KIF16B: variants seen among roughly 807,000 people sequenced by gnomAD.
KIF16B encodes the protein kinesin family member 16B.
In KIF16B, 98 loss-of-function variants were observed where a neutral mutation model predicts 156.3. That is an observed-to-expected ratio of 0.63 (90% CI 0.53 to 0.74). The LOEUF is 0.74. KIF16B is among the 30% of genes least tolerant of loss of function. KIF16B has a pLI of 0.00. For missense variants in KIF16B, 1,421 were observed against 1,606.5 expected (o/e 0.88, Z 1.97); for synonymous variants, 564 against 583.7 (o/e 0.97, Z 0.49).
chr20:16,539,729 T>C (rs1248600260), intron 1 of KIF16B, among the ~76,000 whole-genome samples: 40 of 152,326 alleles, frequency 2.6e-4, no homozygotes, highest in Non-Finnish European at 8.8e-5. Flanking sequence ...CAGTCTCAGG[T>C]ATTTCTTTAT....
Position 16,315,626 on chromosome 20 carries a change from A to G in KIF16B, c.3712-3208T>C, listed in dbSNP as rs116862700. 2.2e-4 allele frequency among the ~76,000 whole-genome samples: 34 copies of G among 152,288 alleles called. 1 individual carries two copies. The East Asian group carries it at 5.4e-3, about 24-fold the overall frequency. ...AGTTGTCAACGGGACCCTGCTGAGG[A>G]CCTGCACCCTTGCCCAGGGTCAGCA... On this transcript the variant is annotated intron_variant, in intron 24 of 25. Transcript: ENST00000354981.
chr20:16,507,523 G>C (rs763808634), intron 7 of KIF16B, among the ~76,000 whole-genome samples: 1 of 152,128 alleles, frequency 6.6e-6, no homozygotes, highest in African/African-American at 2.4e-5. Flanking sequence ...AATATTCGCT[G>C]CCCTTTAATA....
chr20:16,371,640 G>T (rs751994693), intron 21 of KIF16B, 25 bp downstream of exon 21: 5 of 1,335,540 alleles, frequency 3.7e-6, no homozygotes, highest in East Asian at 2.3e-5. Context: ...TTGTTACTTC[G>T]TGTTACTTGG....
At chr20:16,296,794 T>C (rs2063393729) in intron 25 of KIF16B, among the ~76,000 whole-genome samples, 2 of 152,246 alleles carry the variant, frequency 1.3e-5, no homozygotes, top group African/African-American at 4.8e-5. Context: ...GGCCATGGTG[T>C]CACTAGATAT....
chr20:16,366,134 C>T (rs935565174), intron 22 of KIF16B, among the ~76,000 whole-genome samples: 7 of 152,110 alleles, frequency 4.6e-5, no homozygotes, highest in Admixed American at 2.6e-4. Flanking sequence ...GCACAGTTTG[C>T]AGCCTCTTAC....
intron 24 of KIF16B, among the ~76,000 whole-genome samples, chr20:16,319,552 C>A (rs954917589): frequency 9.9e-5 from 15 of 152,182 alleles, no homozygotes; most frequent in Non-Finnish European, 2.2e-4. Flanking sequence ...CAGAGACAGA[C>A]AGGTGGACAC....
chr20:16,519,581 TA>T (rs533924817), intron 3 of KIF16B, among the ~76,000 whole-genome samples: 6 of 151,822 alleles, frequency 4.0e-5, no homozygotes, highest in Non-Finnish European at 7.4e-5. Flanking sequence ...GGGATCTTGC[TA>T]AAAAAAAATT....
chr20:16,490,386 CA>C (rs1411448160), intron 12 of KIF16B, among the ~76,000 whole-genome samples: 1 of 151,848 alleles, frequency 6.6e-6, no homozygotes, highest in African/African-American at 2.4e-5. Context: ...ACTAAAAAGA[CA>C]AAAAATAGCC....
chr20:16,525,608 T>C (rs2069511350), intron 3 of KIF16B, among the ~76,000 whole-genome samples: 1 of 152,238 alleles, frequency 6.6e-6, no homozygotes, highest in Non-Finnish European at 1.5e-5. Flanking sequence ...TTCTAGACTC[T>C]AGAAAGATTC....
intron 1 of KIF16B, among the ~76,000 whole-genome samples, chr20:16,559,912 A>T (rs939876378): frequency 3.9e-5 from 6 of 152,148 alleles, no homozygotes; most frequent in Admixed American, 6.5e-5. Flanking sequence ...GTATTCAAAT[A>T]ATGATACAAC....
chr20:16,282,953 C>G (rs6111011), intron 25 of KIF16B, among the ~76,000 whole-genome samples: 35,566 of 152,120 alleles, frequency 0.23, 4,741 homozygotes, highest in East Asian at 0.58. Flanking sequence ...CCAACTTCTA[C>G]TGAAGTCTAC....
intron 23 of KIF16B, among the ~76,000 whole-genome samples, chr20:16,355,287 T>C (rs1355530967): frequency 9.2e-5 from 14 of 152,108 alleles, no homozygotes; most frequent in Non-Finnish European, 4.4e-5. Flanking sequence ...TTCCCTGCCT[T>C]TTACGGTGTC....
At chr20:16,457,904 A>C (rs2067252370) in intron 12 of KIF16B, among the ~76,000 whole-genome samples, 1 of 152,210 alleles carries the variant, frequency 6.6e-6, no homozygotes, top group African/African-American at 2.4e-5. Context: ...AAGAAAAAAA[A>C]AAAAATCTAA....
At chr20:16,508,207 G>C in intron 6 of KIF16B, 107 bp from the exon 7 acceptor site, 1 of 1,272,044 alleles carries the variant, frequency 7.9e-7, no homozygotes. Flanking sequence ...CTGCTGACCT[G>C]TCTGAAGACC....
chr20:16,393,455 T>C (rs1053763733), intron 17 of KIF16B, among the ~76,000 whole-genome samples: 66 of 152,352 alleles, frequency 4.3e-4, no homozygotes, highest in African/African-American at 1.6e-3. Flanking sequence ...CGGGAGTTGC[T>C]GGTGATGGTT....
At chr20:16,501,379 C>T (rs1372020083) in intron 10 of KIF16B, among the ~76,000 whole-genome samples, 20 of 125,090 alleles carry the variant, frequency 1.6e-4, no homozygotes, top group Admixed American at 1.4e-3. Context: ...AGAATTTAAC[C>T]GGCACTTCTA....
intron 23 of KIF16B, among the ~76,000 whole-genome samples, chr20:16,350,300 C>T (rs897348748): frequency 1.3e-4 from 20 of 152,164 alleles, no homozygotes; most frequent in African/African-American, 4.1e-4. Flanking sequence ...GGAGCGTAGC[C>T]GGAATGCAGA....
chr20:16,295,679 C>T (rs1026184764), intron 25 of KIF16B, among the ~76,000 whole-genome samples: 1 of 152,058 alleles, frequency 6.6e-6, no homozygotes, highest in Non-Finnish European at 1.5e-5. Context: ...AAATGACAAT[C>T]CGGTCACCTG....
chr20:16,532,841 T>C (rs2147181178), intron 1 of KIF16B, among the ~76,000 whole-genome samples: 1 of 152,336 alleles, frequency 6.6e-6, no homozygotes, highest in East Asian at 1.9e-4. Flanking sequence ...CAAAGTAATG[T>C]GGCTCATACA....
Sources: allele counts gnomAD v4.1 joint callset (sites outside exome capture counted in the v4.1 genomes callset), GRCh38; gene constraint gnomAD v4.1.1; transcripts MANE v1.5; gene names NCBI Gene and HGNC (gene_info 2026-07-23, HGNC 2026-07-21).